PSD3: variants seen among roughly 807,000 people sequenced by gnomAD.
The protein encoded by PSD3 is PH and SEC7 domain-containing protein 3.
PSD3 carries 49 observed loss-of-function variants against 105.5 expected under a neutral mutation model. The ratio of observed to expected loss-of-function variants is 0.46; its 90% CI spans 0.37 to 0.59. The LOEUF is 0.59. Among genes scored for constraint, PSD3 ranks in the 20% least tolerant of loss-of-function variants. The pLI is 0.00. For missense variants in PSD3, 1,561 were observed against 1,263.8 expected (o/e 1.24, Z -3.57); for synonymous variants, 557 against 457.8 (o/e 1.22, Z -2.77).
intron 1 of PSD3, among the ~76,000 whole-genome samples, chr8:19,050,664 C>T (rs138009163): frequency 1.3e-5 from 2 of 152,022 alleles, no homozygotes; most frequent in Admixed American, 6.6e-5. Context: ...GGAAGGGGAA[C>T]ATCACACTCT....
chr8:19,061,471 T>C (rs1356946126), intron 1 of PSD3, among the ~76,000 whole-genome samples: 1 of 152,064 alleles, frequency 6.6e-6, no homozygotes, highest in Non-Finnish European at 1.5e-5. Context: ...TACTATCTTG[T>C]TTGTTTGCTG....
chr8:19,076,595 ATTATG>A (rs1189834677), intron 1 of PSD3, among the ~76,000 whole-genome samples: 1 of 152,334 alleles, frequency 6.6e-6, no homozygotes, highest in East Asian at 1.9e-4. Context: ...ATCAGATTAA[ATTATG>A]TTATGTGTAT....
intron 2 of PSD3, among the ~76,000 whole-genome samples, chr8:18,926,530 G>C (rs763536970): frequency 4.6e-5 from 7 of 152,022 alleles, no homozygotes; most frequent in Non-Finnish European, 1.0e-4. Flanking sequence ...GATGCTCAAT[G>C]TCATTAGTCA....
In PSD3 at chr8:18,645,882, G is replaced by C. The variant is rs1808000314; in HGVS notation, c.2216+9760C>G. Reference sequence around the variant, plus strand: ...ATATCTCGTGCAAATAATTTTATCAGTTTTTCCATGGTGAGTTGTCTCTAC... The same window carrying C: ...ATATCTCGTGCAAATAATTTTATCACTTTTTCCATGGTGAGTTGTCTCTAC... On this transcript the variant is annotated intron_variant, in intron 10 of 15. Coordinates refer to ENST00000327040, the MANE Select transcript of PSD3 (RefSeq NM_015310.4). Among the ~76,000 whole-genome samples the C allele has an allele frequency of 2.0e-5, 3 of 152,090 alleles. No individual in the cohort carries two copies. In the South Asian group the frequency reaches 6.2e-4, roughly 32 times the overall value.
At chr8:18,842,095 T>C (rs1452246194) in intron 4 of PSD3, among the ~76,000 whole-genome samples, 1 of 152,142 alleles carries the variant, frequency 6.6e-6, no homozygotes, top group Non-Finnish European at 1.5e-5. Flanking sequence ...TTCCAAAGTC[T>C]TGGAATACCA....
intron 9 of PSD3, among the ~76,000 whole-genome samples, chr8:18,692,359 G>C (rs549989702): frequency 1.2e-4 from 18 of 152,264 alleles, no homozygotes; most frequent in African/African-American, 4.3e-4. Context: ...AGGTACTGCA[G>C]CTCTGGAAGT....
At chr8:18,861,288 T>C (rs1816419752) in intron 4 of PSD3, among the ~76,000 whole-genome samples, 1 of 152,116 alleles carries the variant, frequency 6.6e-6, no homozygotes, top group African/African-American at 2.4e-5. Flanking sequence ...GCACATTTTC[T>C]ACAGAGATGG....
At position 18,872,730 on chromosome 8, in the gene PSD3, T is replaced by C. The variant is rs1817476570; in HGVS notation, c.134A>G (p.Asp45Gly). ...TGGGAGTAAAGTGCTTCCTCCATGA[T>C]CACCTGTGAAGAGAACACAATGGAC... The part of the protein sequence containing the change: ...RSEGKAPDTS[D>G]HGGSTLLPPN... Residue 45 changes from aspartate (D) to glycine (G), a missense_variant, in exon 3 of 16, where the codon GAT becomes GGT. Asp to Gly is a moderately conservative substitution (Grantham distance 94). Transcript: ENST00000327040. The C allele has an allele frequency of 2.6e-6, 4 of 1,554,082 alleles. No individual in the cohort carries two copies. In the African/African-American group the frequency reaches 4.1e-5, roughly 16 times the overall value.
intron 1 of PSD3, among the ~76,000 whole-genome samples, chr8:19,055,808 C>A (rs768278395): frequency 1.6e-4 from 25 of 152,302 alleles, no homozygotes; most frequent in Middle Eastern, 3.4e-3. Flanking sequence ...GGCAGTGATT[C>A]CTTTTCCTGT....
chr8:18,851,040 T>C (rs572525854), intron 4 of PSD3, among the ~76,000 whole-genome samples: 64 of 152,300 alleles, frequency 4.2e-4, no homozygotes, highest in Non-Finnish European at 7.8e-4. Context: ...GCTACAACTG[T>C]TCCTTGGCCT....
At chr8:18,961,988 T>C (rs1175342475) in intron 1 of PSD3, among the ~76,000 whole-genome samples, 1 of 151,662 alleles carries the variant, frequency 6.6e-6, no homozygotes, top group Non-Finnish European at 1.5e-5. Flanking sequence ...TTAAAAATAA[T>C]GAATCCCAGC....
intron 2 of PSD3, among the ~76,000 whole-genome samples, chr8:18,932,530 G>C (rs1586460919): frequency 6.6e-6 from 1 of 152,338 alleles, no homozygotes; most frequent in South Asian, 2.1e-4. Context: ...TGCCTACTAA[G>C]AGGACTGCAC....
At chr8:18,655,522 T>C (rs1484237401) in intron 10 of PSD3, 120 bp downstream of exon 10, 1 of 926,006 alleles carries the variant, frequency 1.1e-6, no homozygotes, top group Non-Finnish European at 1.7e-6. Context: ...AGACACTTGG[T>C]GTAAAATGAG....
At chr8:19,003,231 A>T (rs1826492957) in intron 1 of PSD3, among the ~76,000 whole-genome samples, 1 of 151,994 alleles carries the variant, frequency 6.6e-6, no homozygotes, top group African/African-American at 2.4e-5. Flanking sequence ...AACAGGGCCA[A>T]GTACAATGGC....
At chr8:18,970,314 G>A (rs1445003122) in intron 1 of PSD3, among the ~76,000 whole-genome samples, 1 of 90,134 alleles carries the variant, frequency 1.1e-5, no homozygotes, top group Non-Finnish European at 1.9e-5. Flanking sequence ...GACAGAGCAA[G>A]ACTCTGCCTC....
At chr8:18,702,823 G>A (rs148879482) in intron 9 of PSD3, among the ~76,000 whole-genome samples, 2,746 of 151,854 alleles carry the variant, frequency 0.018, 178 homozygotes, top group East Asian at 0.16. Flanking sequence ...CATGTTAGCC[G>A]GGATGGTCTC....
At chr8:18,822,049 GA>G (rs1812786560) in intron 4 of PSD3, among the ~76,000 whole-genome samples, 1 of 151,910 alleles carries the variant, frequency 6.6e-6, no homozygotes, top group Admixed American at 6.6e-5. Context: ...AAGTCCTTCA[GA>G]AAAGAAAAAA....
chr8:18,636,644 A>T (rs1005304052), intron 10 of PSD3, among the ~76,000 whole-genome samples: 1 of 152,166 alleles, frequency 6.6e-6, no homozygotes, highest in Admixed American at 6.5e-5. Context: ...AGTGCCCTAA[A>T]CAGGAATACC....
At position 19,058,501 on chromosome 8, in the gene PSD3, T is replaced by C. The variant is rs574887853; in HGVS notation, c.324+25705A>G. On this transcript the variant is annotated intron_variant, in intron 1 of 1. Coordinates refer to the PSD3 transcript ENST00000521475. Reference sequence around the variant, plus strand: ...GTATATAAAATTTATATATAATTTATATACATTTATATTATATGTGTGTTA... The same window carrying C: ...GTATATAAAATTTATATATAATTTACATACATTTATATTATATGTGTGTTA... Among the ~76,000 whole-genome samples the C allele has an allele frequency of 1.8e-4, 27 of 149,036 alleles. No homozygotes were observed. The East Asian group carries it at 2.7e-3, about 15-fold the overall frequency.
Sources: allele counts gnomAD v4.1 joint callset (sites outside exome capture counted in the v4.1 genomes callset), GRCh38; gene constraint gnomAD v4.1.1; transcripts MANE v1.5; gene names NCBI Gene and HGNC (gene_info 2026-07-23, HGNC 2026-07-21).